Variants in PTPRD observed in about 807,000 individuals in gnomAD.
The protein encoded by PTPRD is protein tyrosine phosphatase receptor type D, also known as receptor-type tyrosine-protein phosphatase delta.
In PTPRD, 34 loss-of-function variants were observed where a neutral mutation model predicts 214.5. That is an observed-to-expected ratio of 0.16 (90% CI 0.12 to 0.21). PTPRD has a LOEUF of 0.21. Ranked by LOEUF, PTPRD falls within the 10% of genes least tolerant of loss-of-function variation. PTPRD has a pLI of 1.00. For missense variants in PTPRD, 2,545 were observed against 2,398.7 expected, an observed-to-expected ratio of 1.06 and a Z score of -1.27; for synonymous variants, 1,128 against 845.7, an observed-to-expected ratio of 1.33 and a Z score of -5.79.
At chr9:9,533,664 T>A (rs891067442) in intron 8 of PTPRD, among the ~76,000 whole-genome samples, 6 of 152,098 alleles carry the variant, frequency 3.9e-5, no homozygotes, top group Non-Finnish European at 8.8e-5. Flanking sequence ...ATTTGTTGTA[T>A]CTAATTTTCA....
At chr9:9,157,339 A>T (rs2099882088) in intron 10 of PTPRD, among the ~76,000 whole-genome samples, 1 of 152,136 alleles carries the variant, frequency 6.6e-6, no homozygotes, top group Non-Finnish European at 1.5e-5. Flanking sequence ...AACAAAACTA[A>T]GAGATAGCTT....
intron 8 of PTPRD, among the ~76,000 whole-genome samples, chr9:9,465,937 C>T (rs111668783): frequency 1.5e-3 from 190 of 129,992 alleles, no homozygotes; most frequent in African/African-American, 4.9e-3. Context: ...CCACAGTGAC[C>T]ACAAATTGTG....
At chr9:8,672,638 C>T (rs1248501557) in intron 12 of PTPRD, among the ~76,000 whole-genome samples, 1 of 152,052 alleles carries the variant, frequency 6.6e-6, no homozygotes, top group East Asian at 1.9e-4. Flanking sequence ...AACAAATCTC[C>T]AGTTATTAAA....
At chr9:9,645,834 G>A (rs947269264) in intron 7 of PTPRD, among the ~76,000 whole-genome samples, 1 of 151,916 alleles carries the variant, frequency 6.6e-6, no homozygotes, top group Non-Finnish European at 1.5e-5. Context: ...ATATTTTAAT[G>A]CTAAATACTT....
chr9:8,932,674 G>T (rs1336437370), intron 11 of PTPRD, among the ~76,000 whole-genome samples: 2 of 152,146 alleles, frequency 1.3e-5, no homozygotes, highest in Middle Eastern at 3.2e-3. Context: ...TACACTGTGA[G>T]GGGAAAACCA....
At chr9:8,945,917 T>C (rs1225147990) in intron 11 of PTPRD, among the ~76,000 whole-genome samples, 2 of 152,194 alleles carry the variant, frequency 1.3e-5, no homozygotes, top group East Asian at 3.9e-4. Context: ...ATTAAAGTCA[T>C]ATTCAAGTTC....
intron 5 of PTPRD, among the ~76,000 whole-genome samples, chr9:9,839,138 G>A (rs530657607): frequency 1.3e-5 from 2 of 152,160 alleles, no homozygotes; most frequent in Non-Finnish European, 2.9e-5. Flanking sequence ...CTCTGTTTTG[G>A]TACCAGTACC....
At chr9:10,059,796 A>C (rs901261288) in intron 3 of PTPRD, among the ~76,000 whole-genome samples, 7 of 150,248 alleles carry the variant, frequency 4.7e-5, no homozygotes, top group African/African-American at 1.7e-4. Context: ...AAAAAAAAAC[A>C]CTAAGCTTTA....
intron 3 of PTPRD, among the ~76,000 whole-genome samples, chr9:10,158,497 C>T (rs1452072725): frequency 1.3e-5 from 2 of 152,074 alleles, no homozygotes; most frequent in Admixed American, 6.6e-5. Flanking sequence ...TGTTCTAGTA[C>T]CAAAATAGCA....
intron 5 of PTPRD, among the ~76,000 whole-genome samples, chr9:9,828,428 A>C (rs532147065): frequency 3.3e-5 from 5 of 152,198 alleles, no homozygotes; most frequent in African/African-American, 1.2e-4. Context: ...GCATGTTCTC[A>C]CTCATAGGTG....
intron 2 of PTPRD, among the ~76,000 whole-genome samples, chr9:10,595,959 G>A (rs1196996610): frequency 1.3e-5 from 2 of 151,712 alleles, no homozygotes; most frequent in Admixed American, 6.6e-5. Flanking sequence ...CCCTTTAATC[G>A]TGTGATTTGT....
At chr9:10,520,900 T>C (rs1041157204) in intron 2 of PTPRD, among the ~76,000 whole-genome samples, 1 of 151,500 alleles carries the variant, frequency 6.6e-6, no homozygotes, top group Non-Finnish European at 1.5e-5. Flanking sequence ...CAGATTCCTT[T>C]CTAAATATGA....
intron 11 of PTPRD, among the ~76,000 whole-genome samples, chr9:8,911,108 T>C (rs1316232444): frequency 6.6e-6 from 1 of 152,230 alleles, no homozygotes; most frequent in Non-Finnish European, 1.5e-5. Flanking sequence ...GGCATGTTTT[T>C]GTACAATTTT....
chr9:9,867,967 A>G (rs1201808906), intron 5 of PTPRD, among the ~76,000 whole-genome samples: 4 of 152,166 alleles, frequency 2.6e-5, no homozygotes, highest in Non-Finnish European at 4.4e-5. Flanking sequence ...AGAGCTGCAC[A>G]TGAGCTGAAT....
intron 3 of PTPRD, among the ~76,000 whole-genome samples, chr9:10,047,351 T>TGTGTGTGC (rs1248553506): frequency 6.7e-6 from 1 of 150,164 alleles, no homozygotes. Flanking sequence ...TGTGTGTGTG[T>TGTGTGTGC]GCTTGTGTGA....
intron 3 of PTPRD, among the ~76,000 whole-genome samples, chr9:10,035,241 A>G (rs1175194150): frequency 6.6e-6 from 1 of 152,076 alleles, no homozygotes; most frequent in Non-Finnish European, 1.5e-5. Flanking sequence ...GGCCGCATGT[A>G]GGTCTTCTTT....
intron 14 of PTPRD, among the ~76,000 whole-genome samples, chr9:8,554,637 A>C (rs1289558497): frequency 1.3e-5 from 2 of 152,218 alleles, no homozygotes; most frequent in African/African-American, 4.8e-5. Flanking sequence ...GCAAATTTAG[A>C]TGGCTAGGTA....
intron 8 of PTPRD, among the ~76,000 whole-genome samples, chr9:9,413,968 T>A (rs1399811387): frequency 6.6e-6 from 1 of 152,234 alleles, no homozygotes; most frequent in African/African-American, 2.4e-5. Flanking sequence ...TGAGAGAATT[T>A]TCAGGGAAAG....
intron 2 of PTPRD, among the ~76,000 whole-genome samples, chr9:10,466,788 G>T (rs553930824): frequency 6.6e-6 from 1 of 151,922 alleles, no homozygotes; most frequent in African/African-American, 2.4e-5. Flanking sequence ...ATACAAAGGG[G>T]GAATTATGAC....
Sources: gnomAD v4.1 joint callset for allele counts (sites outside exome capture counted in the v4.1 genomes callset) on GRCh38, gnomAD v4.1.1 for gene constraint, MANE v1.5 for transcripts, NCBI Gene and HGNC (gene_info 2026-07-23, HGNC 2026-07-21) for gene names.